The following CAMKMT variants were observed in gnomAD, a reference collection of about 807,000 sequenced individuals.
The protein encoded by CAMKMT is calmodulin-lysine N-methyltransferase, also known as CaM KMT.
In CAMKMT, 53 loss-of-function variants were observed where a neutral mutation model predicts 48.0. The observed-to-expected ratio is 1.10, with a 90% CI of 0.89 to 1.39. The LOEUF (loss-of-function observed/expected upper bound fraction) is 1.39, where lower values mean the gene tolerates loss of function less well. CAMKMT is among the 40% of genes most tolerant of loss of function. The pLI is 0.00. For synonymous variants in CAMKMT, 165 were observed against 152.3 expected, an observed-to-expected ratio of 1.08 and a Z score of -0.61; for missense variants, 428 against 402.7, an observed-to-expected ratio of 1.06 and a Z score of -0.54.
intron 3 of CAMKMT, among the ~76,000 whole-genome samples, chr2:44,626,282 T>C (rs1412590591): frequency 2.0e-5 from 3 of 152,186 alleles, no homozygotes; most frequent in Non-Finnish European, 4.4e-5. Context: ...TTGTTTTCTT[T>C]TTAAATGCTA....
intron 3 of CAMKMT, among the ~76,000 whole-genome samples, chr2:44,659,083 T>G (rs1357817477): frequency 2.1e-5 from 3 of 140,522 alleles, no homozygotes; most frequent in African/African-American, 6.0e-5. Flanking sequence ...TAGTTTTTTT[T>G]TTTTTTTTTT....
At chr2:44,550,243 T>G (rs1193083475) in intron 3 of CAMKMT, among the ~76,000 whole-genome samples, 1 of 151,784 alleles carries the variant, frequency 6.6e-6, no homozygotes, top group East Asian at 1.9e-4. Context: ...CTACAAATCA[T>G]TAAAAAAATT....
At chr2:44,732,985 A>G (rs1399171737) in intron 7 of CAMKMT, among the ~76,000 whole-genome samples, 1 of 152,210 alleles carries the variant, frequency 6.6e-6, no homozygotes. Flanking sequence ...TGTGTGTCTA[A>G]GAAATCTTTA....
At chr2:44,456,605 G>C in intron 3 of CAMKMT, 1 of 1,549,320 alleles carries the variant, frequency 6.5e-7, no homozygotes, top group Non-Finnish European at 8.7e-7. Context: ...ATCACCATCA[G>C]TAGTAACTCT....
intron 3 of CAMKMT, among the ~76,000 whole-genome samples, chr2:44,432,554 C>T (rs915869132): frequency 1.3e-5 from 2 of 152,118 alleles, no homozygotes; most frequent in Non-Finnish European, 2.9e-5. Context: ...TTCAAGGAGC[C>T]ACGAAGTAAT....
intron 3 of CAMKMT, among the ~76,000 whole-genome samples, chr2:44,515,909 G>C (rs1418294169): frequency 6.6e-6 from 1 of 152,194 alleles, no homozygotes; most frequent in African/African-American, 2.4e-5. Context: ...AATGGGGAGA[G>C]CACAAGCAGT....
chr2:44,658,485 A>G (rs1674500063), intron 3 of CAMKMT, among the ~76,000 whole-genome samples: 1 of 152,192 alleles, frequency 6.6e-6, no homozygotes, highest in Non-Finnish European at 1.5e-5. Flanking sequence ...GACCCTCTGA[A>G]GAATTTTTTT....
chr2:44,410,033 T>A (rs1230038831), intron 3 of CAMKMT, among the ~76,000 whole-genome samples: 5 of 151,872 alleles, frequency 3.3e-5, no homozygotes, highest in Non-Finnish European at 7.4e-5. Flanking sequence ...AGAGAAGAGC[T>A]GAGAGCTGTG....
intron 3 of CAMKMT, among the ~76,000 whole-genome samples, chr2:44,509,081 C>A (rs939027392): frequency 1.5e-5 from 2 of 137,154 alleles, no homozygotes; most frequent in Middle Eastern, 3.6e-3. Flanking sequence ...GGATGACAGA[C>A]CCAGACCCCA....
chr2:44,687,030 C>T (rs926336691), intron 3 of CAMKMT, among the ~76,000 whole-genome samples: 9 of 152,144 alleles, frequency 5.9e-5, no homozygotes, highest in Non-Finnish European at 8.8e-5. Flanking sequence ...GCTGTCCAAA[C>T]GAAACTTAAA....
chr2:44,769,344 A>G (rs1370259451), intron 10 of CAMKMT, among the ~76,000 whole-genome samples: 2 of 152,198 alleles, frequency 1.3e-5, no homozygotes, highest in Non-Finnish European at 2.9e-5. Flanking sequence ...CCATGCAGCC[A>G]GTGTGCTCAG....
intron 3 of CAMKMT, among the ~76,000 whole-genome samples, chr2:44,423,124 A>C (rs1418662202): frequency 6.6e-6 from 1 of 152,162 alleles, no homozygotes; most frequent in Non-Finnish European, 1.5e-5. Flanking sequence ...GAATTATCCT[A>C]GGAGTGAGCA....
chr2:44,625,396 T>G (rs1436702216), intron 3 of CAMKMT, among the ~76,000 whole-genome samples: 1 of 152,188 alleles, frequency 6.6e-6, no homozygotes, highest in Non-Finnish European at 1.5e-5. Context: ...ATACATTTAA[T>G]AAATACATAT....
intron 3 of CAMKMT, among the ~76,000 whole-genome samples, chr2:44,489,883 A>G (rs1167782406): frequency 2.0e-5 from 3 of 152,146 alleles, no homozygotes; most frequent in Admixed American, 6.5e-5. Flanking sequence ...TTCCATGTTC[A>G]CTATTTGGGT....
intron 3 of CAMKMT, among the ~76,000 whole-genome samples, chr2:44,675,341 T>A (rs1224801885): frequency 6.6e-6 from 1 of 152,172 alleles, no homozygotes; most frequent in Non-Finnish European, 1.5e-5. Flanking sequence ...CTTTATTTTC[T>A]TCATCTCTGC....
intron 3 of CAMKMT, among the ~76,000 whole-genome samples, chr2:44,547,875 A>C (rs762145305): frequency 1.1e-4 from 16 of 152,198 alleles, no homozygotes; most frequent in Admixed American, 1.3e-4. Context: ...TTTTGAGCTG[A>C]AGCTGCAGTG....
At chr2:44,711,870 C>T (rs757355404) in intron 6 of CAMKMT, among the ~76,000 whole-genome samples, 6 of 152,262 alleles carry the variant, frequency 3.9e-5, no homozygotes, top group South Asian at 2.1e-4. Flanking sequence ...TCCCAGGACA[C>T]GCAGCCCCCA....
chr2:44,404,887 A>G (rs1682672730), intron 3 of CAMKMT, among the ~76,000 whole-genome samples: 1 of 152,072 alleles, frequency 6.6e-6, no homozygotes, highest in Non-Finnish European at 1.5e-5. Context: ...AAAAGATGTT[A>G]TGTATAATAT....
chr2:44,570,604 C>T (rs988661291), intron 3 of CAMKMT, among the ~76,000 whole-genome samples: 1 of 152,092 alleles, frequency 6.6e-6, no homozygotes, highest in Non-Finnish European at 1.5e-5. Context: ...AAAACAGAAA[C>T]AATATAGGAC....
Sources: allele counts gnomAD v4.1 joint callset (sites outside exome capture counted in the v4.1 genomes callset), GRCh38; gene constraint gnomAD v4.1.1; transcripts MANE v1.5; gene names NCBI Gene and HGNC (gene_info 2026-07-23, HGNC 2026-07-21).